TMTC2: variants seen among roughly 807,000 people sequenced by gnomAD.
The protein encoded by TMTC2 is protein O-mannosyl-transferase TMTC2.
Under a neutral mutation model 82.4 loss-of-function variants are expected in TMTC2, and 43 were observed. The ratio of observed to expected loss-of-function variants is 0.52; its 90% CI spans 0.41 to 0.67. The LOEUF is 0.67. TMTC2 is among the 30% of genes least tolerant of loss of function. The pLI, the probability that TMTC2 is intolerant of heterozygous loss-of-function variation, is 0.00. For missense variants in TMTC2, 919 were observed against 1,012.4 expected, an observed-to-expected ratio of 0.91 and a Z score of 1.25; for synonymous variants, 408 against 381.9, an observed-to-expected ratio of 1.07 and a Z score of -0.80.
chr12:82,768,668 A>G lies in TMTC2; in HGVS notation c.83+80999A>G, dbSNP rs200275798. On this transcript the variant is annotated intron_variant, in intron 1 of 11. Transcript: ENST00000321196. ...CAATATATACAGGAGAAATTCCTCAAGGTTTCTGGCATCTTGGTGGTGTGC... is the reference window on the plus strand; with the variant it reads ...CAATATATACAGGAGAAATTCCTCAGGGTTTCTGGCATCTTGGTGGTGTGC... 3.2e-4 allele frequency among the ~76,000 whole-genome samples: 49 copies of G among 151,956 alleles called. 2 individuals carry two copies. The East Asian group carries it at 3.3e-3, about 10-fold the overall frequency.
At chr12:82,982,286 G>A (rs945038492) in intron 7 of TMTC2, among the ~76,000 whole-genome samples, 3 of 151,842 alleles carry the variant, frequency 2.0e-5, no homozygotes, top group African/African-American at 7.2e-5. Flanking sequence ...CATAAAATGG[G>A]TATTCCACCC....
At chr12:82,798,480 GAGGGAGACTCGTC>G (rs1878833917) in intron 1 of TMTC2, among the ~76,000 whole-genome samples, 1 of 113,172 alleles carries the variant, frequency 8.8e-6, no homozygotes. Context: ...CTGCGCGACA[GAGGGAGACTCGTC>G]TCAAAAAAAA....
At chr12:82,994,936 C>A (rs1054363656) in intron 8 of TMTC2, among the ~76,000 whole-genome samples, 1 of 151,872 alleles carries the variant, frequency 6.6e-6, no homozygotes, top group Non-Finnish European at 1.5e-5. Flanking sequence ...ATTCCACCCC[C>A]CGCCCCCCAT....
intron 1 of TMTC2, among the ~76,000 whole-genome samples, chr12:82,815,473 G>T (rs1171744616): frequency 4.0e-5 from 6 of 151,562 alleles, no homozygotes; most frequent in Non-Finnish European, 7.4e-5. Flanking sequence ...ACCACGCCCA[G>T]CTAATTTTTT....
chr12:83,053,518 G>A lies in TMTC2; in HGVS notation c.2267+2500G>A, dbSNP rs371576461. Among the ~76,000 whole-genome samples, 134 of 152,034 alleles carry A rather than the reference G, an allele frequency of 8.8e-4. 3 individuals are homozygous for A. The South Asian group carries it at 0.025, about 28-fold the overall frequency. ...ATCTATAAATGGGGGGAGGGGGAGC[G>A]GGAGCTGCTCATTACAAATGTAGCA... is the stretch of plus-strand genomic sequence containing the variant. On this transcript the variant is annotated intron_variant, in intron 10 of 11. Transcript: ENST00000321196.
intron 1 of TMTC2, among the ~76,000 whole-genome samples, chr12:82,840,846 C>T (rs964634568): frequency 3.3e-5 from 5 of 152,178 alleles, no homozygotes; most frequent in African/African-American, 9.7e-5. Flanking sequence ...GTGGCGTGAT[C>T]TTGGCTCACT....
At chr12:82,995,610 G>A (rs975552450) in intron 8 of TMTC2, among the ~76,000 whole-genome samples, 2 of 151,848 alleles carry the variant, frequency 1.3e-5, no homozygotes, top group African/African-American at 4.8e-5. Flanking sequence ...TTAATTCTGG[G>A]GTCAGCTTCA....
rs149211660 is a variant in TMTC2 at position 82,974,678 on chromosome 12, T to C, written c.1948+7681T>C. Among the ~76,000 whole-genome samples the C allele has an allele frequency of 2.8e-3, 430 of 152,348 alleles. 2 individuals carry two copies. Among genetic ancestry groups the C allele is most frequent in the Middle Eastern group, 0.01 (3 of 294 alleles). On this transcript the variant is annotated intron_variant, in intron 7 of 11. Transcript: ENST00000321196. ...TAATGAATTTATTTAATGAAAGTTT[T>C]ACCTGACAGAGGAGGCTTTGGAAAT...
At chr12:82,871,951 A>G (rs1485345163) in intron 2 of TMTC2, among the ~76,000 whole-genome samples, 1 of 151,734 alleles carries the variant, frequency 6.6e-6, no homozygotes, top group Admixed American at 6.6e-5. Flanking sequence ...ACCATTCTCC[A>G]GATAATTTGT....
intron 11 of TMTC2, among the ~76,000 whole-genome samples, chr12:83,083,279 G>A (rs1329333918): frequency 6.6e-6 from 1 of 152,150 alleles, no homozygotes; most frequent in Non-Finnish European, 1.5e-5. Flanking sequence ...TCTGTCTCTG[G>A]TTCAAACATA....
At chr12:82,921,847 C>T (rs1255732481) in intron 3 of TMTC2, among the ~76,000 whole-genome samples, 1 of 151,774 alleles carries the variant, frequency 6.6e-6, no homozygotes, top group Non-Finnish European at 1.5e-5. Flanking sequence ...CCTGTAATCC[C>T]AGCACTTTGC....
At chr12:83,079,439 G>A (rs1404460979) in intron 11 of TMTC2, among the ~76,000 whole-genome samples, 1 of 151,942 alleles carries the variant, frequency 6.6e-6, no homozygotes, top group Non-Finnish European at 1.5e-5. Context: ...ATAATTCCAG[G>A]AACCAATGGC....
At chr12:83,129,557 G>A (rs1885198056) in intron 11 of TMTC2, among the ~76,000 whole-genome samples, 1 of 152,138 alleles carries the variant, frequency 6.6e-6, no homozygotes, top group African/African-American at 2.4e-5. Context: ...ATAATAGTGA[G>A]GTCTATTTAT....
At chr12:82,709,530 T>TA (rs1592863761) in intron 1 of TMTC2, among the ~76,000 whole-genome samples, 1 of 152,184 alleles carries the variant, frequency 6.6e-6, no homozygotes, top group Non-Finnish European at 1.5e-5. Flanking sequence ...TACCTGTACT[T>TA]AAAAACAAAA....
At chr12:82,711,022 G>A (rs1592864749) in intron 1 of TMTC2, among the ~76,000 whole-genome samples, 1 of 152,300 alleles carries the variant, frequency 6.6e-6, no homozygotes, top group East Asian at 1.9e-4. Flanking sequence ...TGACATCCAA[G>A]TTCATGAATC....
chr12:82,858,571 T>C (rs1333473541), intron 2 of TMTC2, among the ~76,000 whole-genome samples: 2 of 152,220 alleles, frequency 1.3e-5, no homozygotes, highest in Non-Finnish European at 2.9e-5. Flanking sequence ...ATTTCTAATT[T>C]TATTTAAAAT....
chr12:83,016,037 G>A (rs1880663067), intron 8 of TMTC2, among the ~76,000 whole-genome samples: 1 of 152,112 alleles, frequency 6.6e-6, no homozygotes, highest in African/African-American at 2.4e-5. Context: ...TTCTTTATTT[G>A]TAAGTCACAG....
At chr12:82,838,342 C>A (rs1870160398) in intron 1 of TMTC2, among the ~76,000 whole-genome samples, 1 of 152,146 alleles carries the variant, frequency 6.6e-6, no homozygotes, top group Admixed American at 6.5e-5. Flanking sequence ...AGTGTTAGTC[C>A]CAGAATAGTT....
At chr12:82,756,943 A>G (rs1159937482) in intron 1 of TMTC2, among the ~76,000 whole-genome samples, 1 of 152,192 alleles carries the variant, frequency 6.6e-6, no homozygotes, top group Non-Finnish European at 1.5e-5. Context: ...AAATATTGCT[A>G]TCTTAGAAGT....
Sources: allele counts gnomAD v4.1 joint callset (sites outside exome capture counted in the v4.1 genomes callset), GRCh38; gene constraint gnomAD v4.1.1; transcripts MANE v1.5; gene names NCBI Gene and HGNC (gene_info 2026-07-23, HGNC 2026-07-21).